The following DENND6A variants were observed in gnomAD, a reference collection of about 807,000 sequenced individuals.
The protein encoded by DENND6A is protein DENND6A.
DENND6A carries 43 observed loss-of-function variants against 95.5 expected under a neutral mutation model. The ratio of observed to expected loss-of-function variants is 0.45; its 90% CI spans 0.35 to 0.58. The LOEUF is 0.58. DENND6A is among the 20% of genes least tolerant of loss of function. The probability of loss-of-function intolerance (pLI) is 0.00; values close to 1 mark genes in which losing one functional copy is unlikely to be tolerated. For synonymous variants in DENND6A, 257 were observed against 260.4 expected, an observed-to-expected ratio of 0.99 and a Z score of 0.13; for missense variants, 574 against 736.0, an observed-to-expected ratio of 0.78 and a Z score of 2.55.
chr3:57,646,067 T>C (rs768565752), intron 10 of DENND6A, among the ~76,000 whole-genome samples: 1 of 152,200 alleles, frequency 6.6e-6, no homozygotes, highest in Non-Finnish European at 1.5e-5. Flanking sequence ...CTTCATGTAA[T>C]GAATCAATGT....
chr3:57,646,265 T>A (rs752916215), intron 10 of DENND6A, 51 bp downstream of exon 10: 2 of 1,579,972 alleles, frequency 1.3e-6, no homozygotes, highest in Non-Finnish European at 8.6e-7. Flanking sequence ...ACAGGTTAAG[T>A]ACTGCAGCAT....
intron 11 of DENND6A, among the ~76,000 whole-genome samples, chr3:57,645,203 C>T (rs1027318881): frequency 2.0e-5 from 3 of 152,088 alleles, no homozygotes; most frequent in African/African-American, 7.2e-5. Flanking sequence ...TGGCTCACAC[C>T]TGTAATCCCA....
intron 7 of DENND6A, among the ~76,000 whole-genome samples, chr3:57,660,447 CTCACAGGTGTGA>C (rs1438136119): frequency 2.0e-5 from 3 of 152,178 alleles, no homozygotes; most frequent in African/African-American, 7.2e-5. Context: ...TCCCAAAGTG[CTCACAGGTGTGA>C]TCACAGGTGT....
At chr3:57,652,663 T>G (rs2071235030) in intron 9 of DENND6A, among the ~76,000 whole-genome samples, 1 of 152,180 alleles carries the variant, frequency 6.6e-6, no homozygotes, top group Non-Finnish European at 1.5e-5. Flanking sequence ...AACTTATCAG[T>G]GGAGAAGCTT....
At chr3:57,682,070 A>G (rs1358274121) in intron 1 of DENND6A, among the ~76,000 whole-genome samples, 6 of 152,152 alleles carry the variant, frequency 3.9e-5, no homozygotes, top group African/African-American at 1.4e-4. Context: ...TCTCCCATTG[A>G]GCTTGAGGTT....
At chr3:57,648,870 G>C (rs747282808) in intron 9 of DENND6A, among the ~76,000 whole-genome samples, 17 of 152,088 alleles carry the variant, frequency 1.1e-4, no homozygotes, top group Non-Finnish European at 2.4e-4. Context: ...ACAAACTCAA[G>C]ATTAATCAAA....
chr3:57,666,233 A>C lies in DENND6A; in HGVS notation c.322T>G (p.Cys108Gly). ...AAACAAAACTGGGTATCTCCAAGACAACCTAATGAAAATAAAAATGAAATA... is the reference window on the plus strand; with the variant it reads ...AAACAAAACTGGGTATCTCCAAGACCACCTAATGAAAATAAAAATGAAATA... ...YLSFPDSNSG[C>G]LGDTQFCFRF... Residue 108 changes from cysteine (C) to glycine (G), a missense_variant and splice_region_variant, in exon 4 of 20, where the codon TGT becomes GGT. Physicochemically the swap from Cys to Gly is radical, Grantham distance 159 (BLOSUM62 -3). Coordinates refer to ENST00000311128, the MANE Select transcript of DENND6A (RefSeq NM_152678.3). 6.2e-7 allele frequency: 1 copy of C among 1,606,086 alleles called. No individual in the cohort carries two copies. The highest frequency in any genetic ancestry group is 8.5e-7 in the Non-Finnish European group (1 of 1,174,950).
At position 57,693,059 on chromosome 3, in the gene DENND6A, C is replaced by G; in HGVS notation, c.-41G>C. The G allele has an allele frequency of 1.5e-6, 2 of 1,348,138 alleles. No homozygotes were observed. Among genetic ancestry groups the G allele is most frequent in the Non-Finnish European group, 1.9e-6 (2 of 1,054,894 alleles). 83.5% of individuals were successfully genotyped at this position (1,348,138 alleles called of 1,614,324 possible). On this transcript the variant is annotated 5_prime_UTR_variant, in exon 1 of 20. Transcript: ENST00000311128. ...CGTTCGCGCCGCCTCCACAGCGGAC[C>G]GCGCCGCAGAGCGCGCTTGCCTCCG...
Position 57,692,863 on chromosome 3 carries a change from CA to C in DENND6A, c.155del (p.Leu52ArgfsTer29). On this transcript the variant is annotated frameshift_variant, in exon 1 of 20. Transcript: ENST00000311128. LOFTEE classifies it high-confidence loss of function. Reference sequence around the variant, plus strand: ...AGGCGGAGAAGCTGTCCCAGCGCAGCAGGCCCCGGCCACGGCCATCGTCCTC... The same window carrying C: ...AGGCGGAGAAGCTGTCCCAGCGCAGCGGCCCCGGCCACGGCCATCGTCCTC... ...DEEDDGRGRG[L>X]LRWDSFSAWL... The C allele has an allele frequency of 6.3e-7, 1 of 1,585,086 alleles. No individual in the cohort carries two copies. The highest frequency in any genetic ancestry group is 1.1e-5 in the South Asian group (1 of 87,140).
Position 57,630,729 on chromosome 3 carries a change from C to T in DENND6A, c.1503G>A (p.Trp501Ter), listed in dbSNP as rs749756858. ...PQLTSRIKGD[W>*]IGLYRHFLKS... ...AAAAGACTAACCGGTAAAGTCCAAT[C>T]CAATCGCCTTTTATTCTAGAGGTTA... Residue 501 changes from tryptophan to a stop codon, truncating the protein, a stop_gained, in exon 17 of 20, where the codon TGG (tryptophan) becomes TGA (stop). Coordinates refer to ENST00000311128, the MANE Select transcript of DENND6A (RefSeq NM_152678.3). LOFTEE classifies it high-confidence loss of function. The T allele has an allele frequency of 1.9e-6, 3 of 1,613,602 alleles. No individual in the cohort carries two copies. In the Admixed American group the frequency reaches 5.0e-5, roughly 27 times the overall value.
chr3:57,680,951 A>G (rs1259828167), intron 1 of DENND6A, among the ~76,000 whole-genome samples: 1 of 152,202 alleles, frequency 6.6e-6, no homozygotes, highest in Non-Finnish European at 1.5e-5. Context: ...GAACCCTCAT[A>G]TATCAGTAGT....
intron 1 of DENND6A, among the ~76,000 whole-genome samples, chr3:57,687,742 G>A (rs1036028377): frequency 5.3e-5 from 8 of 151,918 alleles, no homozygotes; most frequent in African/African-American, 9.7e-5. Context: ...AGACCAGCCT[G>A]GACAACAAAG....
chr3:57,673,088 C>T (rs1414984395), intron 1 of DENND6A, among the ~76,000 whole-genome samples: 2 of 150,832 alleles, frequency 1.3e-5, no homozygotes, highest in Non-Finnish European at 2.9e-5. Flanking sequence ...GTGGCTCATG[C>T]TTGTAATCCC....
chr3:57,629,177 C>A (rs568609259), intron 18 of DENND6A, among the ~76,000 whole-genome samples: 1 of 152,162 alleles, frequency 6.6e-6, no homozygotes, highest in Non-Finnish European at 1.5e-5. Context: ...CAAACTGTAA[C>A]AGTAACCCCC....
chr3:57,643,006 C>CAA (rs35913249), intron 11 of DENND6A, among the ~76,000 whole-genome samples: 1,668 of 104,432 alleles, frequency 0.016, 15 homozygotes, highest in Non-Finnish European at 0.019. Flanking sequence ...GACTTCATCT[C>CAA]AAAAAAAAAA....
At chr3:57,648,764 G>A (rs1016630609) in intron 9 of DENND6A, among the ~76,000 whole-genome samples, 3 of 152,056 alleles carry the variant, frequency 2.0e-5, no homozygotes, top group Non-Finnish European at 4.4e-5. Flanking sequence ...CATAAAGTGG[G>A]GAAAAGACAC....
In DENND6A at chr3:57,630,411, G is replaced by C; in HGVS notation, c.1620+10C>G. On this transcript the variant is annotated intron_variant, in intron 18 of 19. Transcript: ENST00000311128. ...TTGTTAATCATTACACAAACACACA[G>C]TTTTCGAACCTCTTCACAAAGAGCT... The C allele has an allele frequency of 6.4e-7, 1 of 1,574,176 alleles. No homozygotes were observed. Among genetic ancestry groups the C allele is most frequent in the Non-Finnish European group, 8.5e-7 (1 of 1,169,778 alleles).
chr3:57,678,775 C>T (rs1300489677), intron 1 of DENND6A, among the ~76,000 whole-genome samples: 1 of 152,222 alleles, frequency 6.6e-6, no homozygotes, highest in Non-Finnish European at 1.5e-5. Context: ...TTTAAACTTT[C>T]CCCAGCCTCC....
intron 1 of DENND6A, among the ~76,000 whole-genome samples, chr3:57,676,181 C>CA (rs1282876719): frequency 4.6e-5 from 7 of 151,908 alleles, no homozygotes; most frequent in Non-Finnish European, 8.8e-5. Flanking sequence ...AGTTCGAGAT[C>CA]AGCCTGGCTA....
Sources: allele counts gnomAD v4.1 joint callset (sites outside exome capture counted in the v4.1 genomes callset), GRCh38; gene constraint gnomAD v4.1.1; transcripts MANE v1.5; gene names NCBI Gene and HGNC (gene_info 2026-07-23, HGNC 2026-07-21).